The following GLIS3 variants were observed in gnomAD, a reference collection of about 807,000 sequenced individuals.
GLIS3 encodes zinc finger protein GLIS3.
GLIS3 carries 53 observed loss-of-function variants against 78.6 expected under a neutral mutation model. That is an observed-to-expected ratio of 0.67 (90% confidence interval 0.54 to 0.85). The LOEUF (loss-of-function observed/expected upper bound fraction) is 0.85. Among genes scored for constraint, GLIS3 ranks in the 40% least tolerant of loss-of-function variants. GLIS3 has a pLI of 0.00. For missense variants in GLIS3, 1,703 were observed against 1,231.1 expected (o/e 1.38, Z -5.74); for synonymous variants, 684 against 509.9 (o/e 1.34, Z -4.60).
At chr9:4,053,502 T>G (rs1051931960) in intron 4 of GLIS3, among the ~76,000 whole-genome samples, 1 of 152,058 alleles carries the variant, frequency 6.6e-6, no homozygotes, top group Non-Finnish European at 1.5e-5. Context: ...CTTCTCTTCC[T>G]TTCTAGACTT....
chr9:4,064,097 A>G (rs117511259), intron 4 of GLIS3, among the ~76,000 whole-genome samples: 3,012 of 152,334 alleles, frequency 0.02, 54 homozygotes, highest in Middle Eastern at 0.071. Context: ...GAATAAGGCA[A>G]CATTAAAATA....
Position 3,977,651 on chromosome 9 carries a change from A to C in GLIS3, c.1711-40462T>G, listed in dbSNP as rs1479792979. 6.6e-6 allele frequency among the ~76,000 whole-genome samples: 1 copy of C among 152,228 alleles called. No homozygotes were observed. The highest frequency in any genetic ancestry group is 1.5e-5 in the Non-Finnish European group (1 of 68,044). ...TAGACGGCTTAAAGCAGCCACATCA[A>C]TAATGGCAGAATGACGGCTTAGTTC... On this transcript the variant is annotated intron_variant, in intron 4 of 10. Coordinates refer to ENST00000381971, the MANE Select transcript of GLIS3 (RefSeq NM_001042413.2). This position sits in a 1 kb window ranked among gnomAD's most constrained non-coding sequence, Gnocchi z 4.1.
At chr9:4,348,712 T>C (rs1817925839), upstream of GLIS3, among the ~76,000 whole-genome samples, 1 of 152,086 alleles carries the variant, frequency 6.6e-6, no homozygotes, top group Non-Finnish European at 1.5e-5. Context: ...ATGGTAAATA[T>C]GCGGTCATTA....
chr9:3,991,619 C>T (rs2129775505), intron 4 of GLIS3, among the ~76,000 whole-genome samples: 1 of 150,522 alleles, frequency 6.6e-6, no homozygotes. Flanking sequence ...CATATTTTAA[C>T]TGTTGCTTAT....
At chr9:3,845,088 C>A (rs974246879) in intron 9 of GLIS3, among the ~76,000 whole-genome samples, 1 of 150,086 alleles carries the variant, frequency 6.7e-6, no homozygotes, top group South Asian at 2.1e-4. Context: ...TGTGTGTGTA[C>A]AGGAGTGTTT....
At chr9:4,057,330 A>G (rs1159557937) in intron 4 of GLIS3, among the ~76,000 whole-genome samples, 3 of 152,286 alleles carry the variant, frequency 2.0e-5, no homozygotes, top group African/African-American at 7.2e-5. Context: ...GGGTCCTGAC[A>G]ATTATGAAAC....
intron 4 of GLIS3, chr9:4,034,509 T>C (rs1345457152): frequency 6.6e-6 from 1 of 152,158 alleles, no homozygotes; most frequent in Non-Finnish European, 1.5e-5. Context: ...ATTAGGAATG[T>C]TATAACAATT....
chr9:4,247,148 C>T (rs1040500261), intron 2 of GLIS3, among the ~76,000 whole-genome samples: 3 of 152,198 alleles, frequency 2.0e-5, no homozygotes, highest in African/African-American at 7.2e-5. Context: ...CAGACTCCCT[C>T]TGCCATTCGT....
At chr9:4,275,097 C>T (rs1172393826) in intron 2 of GLIS3, among the ~76,000 whole-genome samples, 1 of 152,110 alleles carries the variant, frequency 6.6e-6, no homozygotes, top group African/African-American at 2.4e-5. Context: ...TAGTATCTGC[C>T]TGCCTGGGTT....
At chr9:3,983,328 C>T (rs116876570) in intron 4 of GLIS3, among the ~76,000 whole-genome samples, 1 of 152,152 alleles carries the variant, frequency 6.6e-6, no homozygotes. Flanking sequence ...GTCCATTAAA[C>T]CTCTTCTGTA....
At chr9:3,970,379 G>C (rs1044497694) in intron 4 of GLIS3, among the ~76,000 whole-genome samples, 1 of 152,188 alleles carries the variant, frequency 6.6e-6, no homozygotes, top group Non-Finnish European at 1.5e-5. Context: ...TTTGACAGAA[G>C]ACTCTTGATA....
intron 2 of GLIS3, among the ~76,000 whole-genome samples, chr9:4,152,930 A>C (rs1001277265): frequency 6.6e-6 from 1 of 152,220 alleles, no homozygotes. Flanking sequence ...ATTCTTCCTA[A>C]CTTTCTTATA....
the GLIS3 span, among the ~76,000 whole-genome samples, chr9:4,369,606 G>A: frequency 6.6e-6 from 1 of 152,270 alleles, no homozygotes; most frequent in South Asian, 2.1e-4. Context: ...CCTGGCTGTA[G>A]GCCCTTGTGC....
chr9:3,910,018 C>G (rs1247037573), intron 6 of GLIS3, among the ~76,000 whole-genome samples: 5 of 152,194 alleles, frequency 3.3e-5, no homozygotes, highest in Non-Finnish European at 7.3e-5. Flanking sequence ...TTGTCTAAAT[C>G]CTTTTGATGA....
chr9:4,072,035 A>G (rs1028027734), intron 4 of GLIS3, among the ~76,000 whole-genome samples: 18 of 152,208 alleles, frequency 1.2e-4, no homozygotes, highest in African/African-American at 3.9e-4. Context: ...ATGGAGTTCA[A>G]CATATGCTAG....
At chr9:4,037,609 T>G (rs1824445244) in intron 4 of GLIS3, among the ~76,000 whole-genome samples, 1 of 145,654 alleles carries the variant, frequency 6.9e-6, no homozygotes, top group Non-Finnish European at 1.5e-5. Context: ...TGGGGGAACT[T>G]TCACAGGCTC....
intron 2 of GLIS3, among the ~76,000 whole-genome samples, chr9:4,163,266 ACACGCG>A (rs970659039): frequency 2.8e-4 from 42 of 148,250 alleles, no homozygotes; most frequent in African/African-American, 1.1e-3. Flanking sequence ...ACACACACAC[ACACGCG>A]CACGCGCGCA....
chr9:4,278,094 C>G (rs148786031), intron 2 of GLIS3, among the ~76,000 whole-genome samples: 66 of 152,244 alleles, frequency 4.3e-4, no homozygotes, highest in African/African-American at 1.5e-3. Flanking sequence ...TCTTCCTTGT[C>G]GTAGACAGAG....
the GLIS3 span, among the ~76,000 whole-genome samples, chr9:4,379,929 A>T: frequency 2.6e-5 from 4 of 152,048 alleles, no homozygotes; most frequent in Non-Finnish European, 5.9e-5. Context: ...AAACCAAAAA[A>T]AAAGGAGGTC....
Sources: allele counts gnomAD v4.1 joint callset (sites outside exome capture counted in the v4.1 genomes callset), GRCh38; gene constraint gnomAD v4.1.1; non-coding constraint Gnocchi (gnomAD v3.1); transcripts MANE v1.5; gene names NCBI Gene and HGNC (gene_info 2026-07-23, HGNC 2026-07-21).